NRXN1: variants seen among roughly 807,000 people sequenced by gnomAD.
NRXN1 encodes neurexin-1.
NRXN1 carries 39 observed loss-of-function variants against 150.9 expected under a neutral mutation model. The observed-to-expected ratio is 0.26, with a 90% CI of 0.20 to 0.34. The LOEUF is 0.34. Among genes scored for constraint, NRXN1 ranks in the 10% least tolerant of loss-of-function variants. The pLI is 1.00. For synonymous variants in NRXN1, 924 were observed against 757.0 expected (o/e 1.22, Z -3.62); for missense variants, 1,815 against 1,949.9 (o/e 0.93, Z 1.30).
chr2:50,308,854 G>A (rs1035093575), intron 17 of NRXN1, among the ~76,000 whole-genome samples: 4 of 152,146 alleles, frequency 2.6e-5, no homozygotes, highest in Non-Finnish European at 4.4e-5. Context: ...CTCATCCAAC[G>A]ATGTGACCTT....
chr2:50,549,536 G>T (rs933268587), intron 9 of NRXN1, among the ~76,000 whole-genome samples: 18 of 152,200 alleles, frequency 1.2e-4, no homozygotes, highest in Middle Eastern at 3.4e-3. Flanking sequence ...TGGATTCAAA[G>T]AAAAATCTCA....
intron 17 of NRXN1, among the ~76,000 whole-genome samples, chr2:50,251,357 G>A (rs2067056519): frequency 1.6e-5 from 2 of 128,002 alleles, no homozygotes; most frequent in Admixed American, 8.0e-5. Flanking sequence ...CAGAAGACAC[G>A]ATCTCAGTCC....
At chr2:50,712,696 T>A (rs931893468) in intron 5 of NRXN1, among the ~76,000 whole-genome samples, 37 of 152,192 alleles carry the variant, frequency 2.4e-4, no homozygotes, top group African/African-American at 8.7e-4. Flanking sequence ...CTCAGCCCTT[T>A]AACTCTCATA....
intron 5 of NRXN1, chr2:50,739,409 G>T: frequency 8.9e-6 from 2 of 224,154 alleles, no homozygotes; most frequent in Non-Finnish European, 1.9e-5. Flanking sequence ...AAAAATATTT[G>T]GATGAACCAC....
chr2:50,707,899 G>A lies in NRXN1; in HGVS notation c.833-84284C>T, dbSNP rs551309987. On this transcript the variant is annotated intron_variant, in intron 5 of 22. Transcript: ENST00000401669. ...CAGTGTTTACATTTAAATCTCAATC[G>A]TTAGCTACAGATGGATAATCTCCAA... 2.2e-4 allele frequency among the ~76,000 whole-genome samples: 33 copies of A among 152,192 alleles called. No individual in the cohort carries two copies. The South Asian group carries it at 6.6e-3, about 31-fold the overall frequency.
intron 5 of NRXN1, among the ~76,000 whole-genome samples, chr2:50,774,984 C>T (rs1297202519): frequency 6.6e-6 from 1 of 152,068 alleles, no homozygotes; most frequent in Non-Finnish European, 1.5e-5. Context: ...TATTATTTTT[C>T]TTGCCTTGTC....
intron 2 of NRXN1, among the ~76,000 whole-genome samples, chr2:50,936,899 A>C (rs1449094978): frequency 6.6e-6 from 1 of 152,152 alleles, no homozygotes; most frequent in Admixed American, 6.6e-5. Context: ...TGTCAGGAAC[A>C]AAAAATACAC....
At chr2:50,510,978 A>G (rs1448530594) in intron 12 of NRXN1, among the ~76,000 whole-genome samples, 1 of 152,196 alleles carries the variant, frequency 6.6e-6, no homozygotes, top group Non-Finnish European at 1.5e-5. Context: ...CATGAAGTGC[A>G]AAGACATTAG....
intron 5 of NRXN1, among the ~76,000 whole-genome samples, chr2:50,681,311 C>G (rs1463230186): frequency 6.6e-6 from 1 of 152,088 alleles, no homozygotes; most frequent in East Asian, 1.9e-4. Flanking sequence ...AAGACTAGAC[C>G]AACTGGAAAT....
chr2:50,621,413 T>C (rs950489928), intron 6 of NRXN1, among the ~76,000 whole-genome samples, 164 bp from the exon 7 acceptor site: 3 of 152,088 alleles, frequency 2.0e-5, no homozygotes. Context: ...ATTAAGCATG[T>C]TAGTAACATA....
intron 5 of NRXN1, among the ~76,000 whole-genome samples, chr2:50,679,502 A>T (rs147090565): frequency 6.6e-6 from 1 of 152,268 alleles, no homozygotes; most frequent in African/African-American, 2.4e-5. Context: ...AAAAATTACA[A>T]ACTTTCCAAA....
chr2:50,648,894 T>C (rs1685192442), intron 5 of NRXN1, among the ~76,000 whole-genome samples: 1 of 152,010 alleles, frequency 6.6e-6, no homozygotes, highest in Non-Finnish European at 1.5e-5. Context: ...TGCCTTTGGT[T>C]GCTGACATCA....
At chr2:49,932,329 G>A (rs778305854) in intron 22 of NRXN1, among the ~76,000 whole-genome samples, 5 of 152,110 alleles carry the variant, frequency 3.3e-5, no homozygotes, top group African/African-American at 1.2e-4. Context: ...GCTGAGGTGG[G>A]AGGATCACTT....
chr2:50,809,144 A>G (rs1008344307), intron 5 of NRXN1, among the ~76,000 whole-genome samples: 7 of 152,120 alleles, frequency 4.6e-5, no homozygotes, highest in Admixed American at 2.0e-4. Context: ...GGATCTATTT[A>G]CAGTTTATCA....
At chr2:50,303,461 T>A (rs1448199001) in intron 17 of NRXN1, among the ~76,000 whole-genome samples, 1 of 152,154 alleles carries the variant, frequency 6.6e-6, no homozygotes, top group South Asian at 2.1e-4. Context: ...CTTCTTTGGC[T>A]TTATAGTCTT....
At chr2:50,962,014 AG>A (rs1693277256) in intron 2 of NRXN1, among the ~76,000 whole-genome samples, 1 of 151,768 alleles carries the variant, frequency 6.6e-6, no homozygotes, top group African/African-American at 2.4e-5. Flanking sequence ...AGGCAATATA[AG>A]AAATCTCAAG....
chr2:50,250,920 TGCATATGTAATAAATTTATTACATATG>T (rs1036951122), intron 17 of NRXN1, among the ~76,000 whole-genome samples: 21 of 151,198 alleles, frequency 1.4e-4, no homozygotes, highest in East Asian at 7.8e-4. Context: ...TATTACACAT[TGCATATGTAATAAATTTATTACATATG>T]GCATATGTAA....
chr2:50,601,765 T>A (rs1041139078), intron 8 of NRXN1, among the ~76,000 whole-genome samples: 1 of 152,222 alleles, frequency 6.6e-6, no homozygotes, highest in African/African-American at 2.4e-5. Context: ...ATGTATGCCA[T>A]ACACATCATA....
intron 5 of NRXN1, among the ~76,000 whole-genome samples, chr2:50,808,237 T>G (rs914511464): frequency 6.6e-6 from 1 of 152,110 alleles, no homozygotes; most frequent in Non-Finnish European, 1.5e-5. Context: ...GTAACCAATT[T>G]GACATCATGT....
Sources: gnomAD v4.1 joint callset for allele counts (sites outside exome capture counted in the v4.1 genomes callset) on GRCh38, gnomAD v4.1.1 for gene constraint, MANE v1.5 for transcripts, NCBI Gene and HGNC (gene_info 2026-07-23, HGNC 2026-07-21) for gene names.